Variants in ELOVL7 observed in about 807,000 individuals in gnomAD.
ELOVL7 encodes the protein ELOVL fatty acid elongase 7.
Under a neutral mutation model 35.7 loss-of-function variants are expected in ELOVL7, and 27 were observed. That is an observed-to-expected ratio of 0.76 (90% CI 0.56 to 1.04). The LOEUF (loss-of-function observed/expected upper bound fraction) is 1.04, where lower values mean the gene tolerates loss of function less well. Among genes scored for constraint, ELOVL7 ranks in the 50% least tolerant of loss-of-function variants. The probability of loss-of-function intolerance (pLI) is 0.00; values close to 1 mark genes in which losing one functional copy is unlikely to be tolerated. For missense variants in ELOVL7, 327 were observed against 340.8 expected, an observed-to-expected ratio of 0.96 and a Z score of 0.32; for synonymous variants, 113 against 114.6, an observed-to-expected ratio of 0.99 and a Z score of 0.09.
intron 3 of ELOVL7, among the ~76,000 whole-genome samples, chr5:60,782,500 A>C (rs1240552713): frequency 6.6e-6 from 1 of 152,240 alleles, no homozygotes; most frequent in Non-Finnish European, 1.5e-5. Context: ...AATCAACCTA[A>C]GTGTCCATCA....
At chr5:60,781,212 G>GAAAA (rs34249182) in intron 3 of ELOVL7, among the ~76,000 whole-genome samples, 3 of 124,524 alleles carry the variant, frequency 2.4e-5, no homozygotes, top group Non-Finnish European at 5.1e-5. Context: ...CCCTGTCTCA[G>GAAAA]AAAAAAAAAA....
intron 4 of ELOVL7, among the ~76,000 whole-genome samples, chr5:60,769,716 T>C (rs935200907): frequency 6.6e-6 from 1 of 152,194 alleles, no homozygotes; most frequent in African/African-American, 2.4e-5. Context: ...CAACAGCTTG[T>C]GGAACTTTTT....
chr5:60,835,217 A>T (rs1746722505), intron 1 of ELOVL7, among the ~76,000 whole-genome samples: 2 of 151,248 alleles, frequency 1.3e-5, no homozygotes, highest in East Asian at 3.9e-4. Flanking sequence ...AAGACAGAGT[A>T]GTCCCAAGAC....
At chr5:60,794,736 C>T (rs1744146050) in intron 2 of ELOVL7, among the ~76,000 whole-genome samples, 6 of 152,128 alleles carry the variant, frequency 3.9e-5, no homozygotes, top group Admixed American at 3.9e-4. Flanking sequence ...AGGTTCTGGC[C>T]TCCCCACTGA....
At chr5:60,837,328 G>GGGGGGT in intron 1 of ELOVL7, among the ~76,000 whole-genome samples, 1 of 127,540 alleles carries the variant, frequency 7.8e-6, no homozygotes, top group Non-Finnish European at 1.7e-5. Flanking sequence ...GGGGGGAGTG[G>GGGGGGT]GGGGTGGGGG....
intron 3 of ELOVL7, among the ~76,000 whole-genome samples, chr5:60,773,715 G>A (rs1742738404): frequency 6.6e-6 from 1 of 152,208 alleles, no homozygotes; most frequent in African/African-American, 2.4e-5. Context: ...CTGCTTGGGA[G>A]AAAAATGAGT....
intron 3 of ELOVL7, 95 bp from the exon 4 acceptor site, chr5:60,772,188 A>C: frequency 1.4e-6 from 1 of 720,010 alleles, no homozygotes; most frequent in East Asian, 2.7e-5. Flanking sequence ...AGATCCTACT[A>C]TTAACTGTGA....
rs777049585 is a variant in ELOVL7, at chr5:60,767,884, C to T, written c.275G>A (p.Gly92Asp). The change falls in exon 5 of 9, where the codon GGT (glycine) becomes GAT (aspartate). Residue 92 changes from glycine to aspartate, a missense_variant. Gly to Asp is a moderately conservative substitution (Grantham distance 94). Coordinates refer to ENST00000508821, the MANE Select transcript of ELOVL7 (RefSeq NM_024930.3). ...GTCACATCGAAATGAATAACCTATA[C>T]CCCAGCCAGACATCACAAACTGCAA... ...MCYEFVMSGWGIGYSFRCDIV... is the reference protein window; with the variant it reads ...MCYEFVMSGWDIGYSFRCDIV... 1 of 1,613,734 alleles carries T rather than the reference C, an allele frequency of 6.2e-7. No individual in the cohort carries two copies. Among genetic ancestry groups the T allele is most frequent in the Non-Finnish European group, 8.5e-7 (1 of 1,179,734 alleles).
Position 60,771,910 on chromosome 5 carries a change from C to T in ELOVL7, c.248G>A (p.Cys83Tyr). 1 of 1,603,050 alleles carries T rather than the reference C, an allele frequency of 6.2e-7. No homozygotes were observed. The highest frequency in any genetic ancestry group is 8.5e-7 in the Non-Finnish European group (1 of 1,174,136). ...AATACTGAAGACACTTGCCTCATAA[C>T]ACATATACACAGAAAAGAGTACTAT... is the stretch of plus-strand genomic sequence containing the variant. ...FFIVLFSVYM[C>Y]YEFVMSGWGI... Residue 83 changes from cysteine (C) to tyrosine (Y), a missense_variant, in exon 4 of 9, where the codon TGT (cysteine) becomes TAT (tyrosine). Coordinates refer to ENST00000508821, the MANE Select transcript of ELOVL7 (RefSeq NM_024930.3).
chr5:60,829,493 T>C (rs1323443497), intron 1 of ELOVL7, among the ~76,000 whole-genome samples: 1 of 152,226 alleles, frequency 6.6e-6, no homozygotes, highest in Non-Finnish European at 1.5e-5. Context: ...ACAGAAAATC[T>C]GTCTATATCA....
chr5:60,756,113 G>T (rs1314108528), intron 8 of ELOVL7, among the ~76,000 whole-genome samples: 1 of 142,316 alleles, frequency 7.0e-6, no homozygotes, highest in Non-Finnish European at 1.5e-5. Flanking sequence ...TTCTATGCAT[G>T]TGTATGTTTG....
At chr5:60,764,814 A>G (rs1742139393) in intron 6 of ELOVL7, among the ~76,000 whole-genome samples, 1 of 152,104 alleles carries the variant, frequency 6.6e-6, no homozygotes, top group African/African-American at 2.4e-5. Context: ...AAGAAAAATG[A>G]AGGGAGAAAA....
intron 2 of ELOVL7, among the ~76,000 whole-genome samples, chr5:60,793,485 G>T (rs1196638492): frequency 3.3e-5 from 5 of 151,992 alleles, no homozygotes; most frequent in African/African-American, 4.8e-5. Context: ...TGGGTTTGGG[G>T]GTAGCATACA....
At chr5:60,829,968 G>C (rs1170252494) in intron 1 of ELOVL7, among the ~76,000 whole-genome samples, 1 of 152,068 alleles carries the variant, frequency 6.6e-6, no homozygotes, top group East Asian at 1.9e-4. Context: ...CTGTAATTTT[G>C]GCTCTTTGCC....
intron 1 of ELOVL7, among the ~76,000 whole-genome samples, chr5:60,812,553 A>G (rs987619419): frequency 2.0e-5 from 3 of 152,226 alleles, no homozygotes; most frequent in African/African-American, 7.2e-5. Context: ...TTGAGTAGAT[A>G]TGACAGACTG....
intron 1 of ELOVL7, among the ~76,000 whole-genome samples, chr5:60,829,919 G>A (rs1427432246): frequency 2.6e-5 from 4 of 152,186 alleles, no homozygotes; most frequent in African/African-American, 9.6e-5. Flanking sequence ...ATAGAAGAGA[G>A]AAAAAGTTTA....
intron 1 of ELOVL7, among the ~76,000 whole-genome samples, chr5:60,805,775 G>A (rs1744889293): frequency 1.3e-5 from 2 of 152,106 alleles, no homozygotes; most frequent in South Asian, 2.1e-4. Context: ...TCTCATCTAT[G>A]GGATCACTTC....
At chr5:60,779,333 T>A (rs1017626745) in intron 3 of ELOVL7, among the ~76,000 whole-genome samples, 3 of 152,214 alleles carry the variant, frequency 2.0e-5, no homozygotes, top group Admixed American at 6.5e-5. Context: ...CACATTGACC[T>A]AGTAGAGGCT....
At chr5:60,773,386 C>CT (rs1742716543) in intron 3 of ELOVL7, among the ~76,000 whole-genome samples, 3 of 152,184 alleles carry the variant, frequency 2.0e-5, no homozygotes, top group Admixed American at 2.0e-4. Context: ...CTGAATACCC[C>CT]TGCAAGTGTG....
Sources: gnomAD v4.1 joint callset for allele counts (sites outside exome capture counted in the v4.1 genomes callset) on GRCh38, gnomAD v4.1.1 for gene constraint, MANE v1.5 for transcripts, NCBI Gene and HGNC (gene_info 2026-07-23, HGNC 2026-07-21) for gene names.